Variants in STAT2 observed in about 807,000 individuals in gnomAD.
STAT2 encodes the protein interferon alpha induced transcriptional activator.
In STAT2, 51 loss-of-function variants were observed where a neutral mutation model predicts 122.3. That is an observed-to-expected ratio of 0.42 (90% CI 0.33 to 0.53). The LOEUF is 0.53. Ranked by LOEUF, STAT2 falls within the 20% of genes least tolerant of loss-of-function variation. The probability of loss-of-function intolerance (pLI) is 0.10; values close to 1 mark genes in which losing one functional copy is unlikely to be tolerated. For synonymous variants in STAT2, 351 were observed against 394.9 expected, an observed-to-expected ratio of 0.89 and a Z score of 1.32; for missense variants, 736 against 1,010.3, an observed-to-expected ratio of 0.73 and a Z score of 3.68.
intron 8 of STAT2, among the ~76,000 whole-genome samples, chr12:56,353,989 C>T (rs1267016348): frequency 3.1e-4 from 7 of 22,918 alleles, no homozygotes; most frequent in Non-Finnish European, 4.5e-4. Context: ...GAGAGAGACT[C>T]CGTCTCAAAA....
intron 8 of STAT2, among the ~76,000 whole-genome samples, chr12:56,353,995 C>CAAAAAAAAAAAAAA (rs1187550270): frequency 1.6e-4 from 2 of 12,776 alleles, no homozygotes; most frequent in African/African-American, 6.6e-4. Context: ...GACTCCGTCT[C>CAAAAAAAAAAAAAA]AAAAAAAAAA....
Position 56,346,799 on chromosome 12 carries a change from G to T in STAT2, c.1861+20C>A. On this transcript the variant is annotated intron_variant, in intron 20 of 23. Coordinates refer to ENST00000314128, the MANE Select transcript of STAT2 (RefSeq NM_005419.4). ...GGCAGAAAGGAGAGGCTGTGGGAAT[G>T]GCAGGGCAGAGCAGCTGACCATCAT... The T allele has an allele frequency of 6.2e-7, 1 of 1,614,074 alleles. No homozygotes were observed. Among genetic ancestry groups the T allele is most frequent in the Non-Finnish European group, 8.5e-7 (1 of 1,179,960 alleles).
chr12:56,351,886 A>T (rs1386904472), intron 8 of STAT2, among the ~76,000 whole-genome samples: 1 of 151,572 alleles, frequency 6.6e-6, no homozygotes, highest in Non-Finnish European at 1.5e-5. Context: ...CTCATTGTAC[A>T]ACTCACACTT....
intron 1 of STAT2, among the ~76,000 whole-genome samples, chr12:56,357,392 G>A (rs890832818): frequency 4.0e-5 from 6 of 151,714 alleles, no homozygotes; most frequent in Non-Finnish European, 8.8e-5. Context: ...CCAGGCTGGA[G>A]TGCAGTGGTG....
rs1470259312 is a variant in STAT2 at position 56,343,862 on chromosome 12, G to C, written c.2376C>G (p.Pro792=). Residue 792 remains proline, a synonymous_variant, in exon 23 of 24, where the codon CCC becomes CCG. Transcript: ENST00000314128. ...VSQPVPEPDL[P]CDLRHLNTEP... ...CAGTGTTCAAATGTCTCAGATCACA[G>C]GGCAAATCTGGCTCTGGCACTGGCT... is the stretch of plus-strand genomic sequence containing the variant. The C allele has an allele frequency of 6.2e-7, 1 of 1,614,232 alleles. No individual in the cohort carries two copies. Among genetic ancestry groups the C allele is most frequent in the Non-Finnish European group, 8.5e-7 (1 of 1,180,042 alleles).
intron 20 of STAT2, 39 bp from the exon 21 acceptor site, chr12:56,346,663 G>C: frequency 6.2e-7 from 1 of 1,611,302 alleles, no homozygotes; most frequent in African/African-American, 1.3e-5. Context: ...CTTGAGGGAA[G>C]AGGCCGGGCC....
intron 1 of STAT2, among the ~76,000 whole-genome samples, chr12:56,359,215 T>A (rs1050526199): frequency 6.6e-6 from 1 of 152,174 alleles, no homozygotes; most frequent in African/African-American, 2.4e-5. Flanking sequence ...TTTAACTCTT[T>A]TAGTAGTGCT....
intron 3 of STAT2, 76 bp downstream of exon 3, chr12:56,356,056 T>C: frequency 3.2e-6 from 5 of 1,550,136 alleles, no homozygotes; most frequent in Non-Finnish European, 4.4e-6. Flanking sequence ...CTCCAGGTAC[T>C]ATTCTATTCT....
At chr12:56,345,524 A>AAAATATATAT (rs1555169410) in intron 22 of STAT2, among the ~76,000 whole-genome samples, 1 of 26,248 alleles carries the variant, frequency 3.8e-5, no homozygotes, top group Non-Finnish European at 5.4e-5. Flanking sequence ...AAAAAAAAAA[A>AAAATATATAT]ATATATATAT....
At chr12:56,352,371 T>TTTTTTTTTTTG (rs1565655623) in intron 8 of STAT2, 1 of 28,462 alleles carries the variant, frequency 3.5e-5, no homozygotes, top group Non-Finnish European at 6.8e-5. Flanking sequence ...TTTTTTTTTT[T>TTTTTTTTTTTG]GGTGGGGGTG....
At chr12:56,357,434 G>A (rs1305703991) in intron 1 of STAT2, among the ~76,000 whole-genome samples, 7 of 149,062 alleles carry the variant, frequency 4.7e-5, no homozygotes, top group African/African-American at 1.2e-4. Context: ...TCCGCCTCCC[G>A]GGCTCATGCC....
intron 7 of STAT2, 73 bp downstream of exon 7, chr12:56,354,705 G>C: frequency 6.2e-7 from 1 of 1,612,758 alleles, no homozygotes; most frequent in Non-Finnish European, 8.5e-7. Flanking sequence ...GCCAGCGCTA[G>C]AGGACCAGGG....
intron 20 of STAT2, 25 bp from the exon 21 acceptor site, chr12:56,346,649 C>T (rs577335722): frequency 8.1e-6 from 13 of 1,612,626 alleles, no homozygotes; most frequent in East Asian, 2.2e-5. Flanking sequence ...CAGGAACAGG[C>T]GGGCTTGAGG....
At position 56,346,596 on chromosome 12, in the gene STAT2, C is replaced by T. The variant is rs111274768; in HGVS notation, c.1890G>A (p.Pro630=). ...DDKVLIYSVQ[P]YTKEVLQSLP... The stretch of plus-strand genomic sequence containing the variant: ...GTGACTGCAGCACCTCCTTCGTGTA[C>T]GGTTGCACAGAGTAGATGAGCACCT... Residue 630 remains proline (P), a synonymous_variant, in exon 21 of 24, where the codon CCG becomes CCA. Transcript: ENST00000314128. 89 of 1,614,158 alleles carry T rather than the reference C, an allele frequency of 5.5e-5. 2 individuals are homozygous for T. Among genetic ancestry groups the T allele is most frequent in the African/African-American group, 4.9e-4 (37 of 75,026 alleles).
intron 15 of STAT2, 81 bp downstream of exon 15, chr12:56,349,345 C>A (rs773203799): frequency 1.4e-4 from 225 of 1,613,906 alleles, no homozygotes; most frequent in Non-Finnish European, 1.8e-4. Flanking sequence ...GCTAACCCAC[C>A]CCAAGAGGCT....
At position 56,354,016 on chromosome 12, in the gene STAT2, AATATAT is replaced by A. The variant is rs1555171512; in HGVS notation, c.782+444_782+449del. Among the ~76,000 whole-genome samples the A allele has an allele frequency of 4.8e-4, 8 of 16,678 alleles. 2 individuals are homozygous for A. The highest frequency in any genetic ancestry group is 1.1e-3 in the Non-Finnish European group (7 of 6,194). The allele number at this position is 16,678 out of a possible 152,430, so 10.9% of individuals were successfully genotyped here. A position where few individuals can be genotyped will look rare whatever the true frequency, so the allele number is the denominator to read the frequency against. On this transcript the variant is annotated intron_variant, in intron 8 of 23. Coordinates refer to ENST00000314128, the MANE Select transcript of STAT2 (RefSeq NM_005419.4). The stretch of plus-strand genomic sequence containing the variant: ...GTCTCAAAAAAAAAAAAAAAAAAAA[AATATAT>A]ATATATATATATATATATAAAAAAT...
In STAT2 at chr12:56,355,322, T is replaced by C. The variant is rs758271322; in HGVS notation, c.501A>G (p.Lys167=). ...EKLVKSISQL[K]DQQDVFCFRY... ...GGAAGCAGAAGACATCCTGCTGGTC[T>C]TTCAGTTGGCTGATGGATTTTACCA... The change falls in exon 6 of 24, where the codon AAA becomes AAG. Residue 167 remains lysine, a synonymous_variant. Transcript: ENST00000314128. 1 of 1,614,204 alleles carries C rather than the reference T, an allele frequency of 6.2e-7. No individual in the cohort carries two copies. Among genetic ancestry groups the C allele is most frequent in the Admixed American group, 1.7e-5 (1 of 60,026 alleles).
intron 22 of STAT2, 55 bp from the exon 23 acceptor site, chr12:56,344,190 G>A: frequency 1.3e-6 from 2 of 1,510,486 alleles, no homozygotes; most frequent in Non-Finnish European, 1.8e-6. Context: ...AATGAAATCA[G>A]GAATGGTAGA....
chr12:56,345,434 A>C (rs1159079998), intron 22 of STAT2, among the ~76,000 whole-genome samples: 1 of 135,448 alleles, frequency 7.4e-6, no homozygotes, highest in Non-Finnish European at 1.5e-5. Context: ...CCCTAGGTCA[A>C]GGCTGCAGTG....
Sources: gnomAD v4.1 joint callset for allele counts (sites outside exome capture counted in the v4.1 genomes callset) on GRCh38, gnomAD v4.1.1 for gene constraint, MANE v1.5 for transcripts, NCBI Gene and HGNC (gene_info 2026-07-23, HGNC 2026-07-21) for gene names.